Variants in VSTM4 observed in about 807,000 individuals in gnomAD.
VSTM4 encodes the protein V-set and transmembrane domain-containing protein 4.
VSTM4 carries 20 observed loss-of-function variants against 36.4 expected under a neutral mutation model. That is an observed-to-expected ratio of 0.55 (90% CI 0.39 to 0.80). VSTM4 has a LOEUF of 0.80. Ranked by LOEUF, VSTM4 falls within the 30% of genes least tolerant of loss-of-function variation. The pLI, the probability that VSTM4 is intolerant of heterozygous loss-of-function variation, is 0.00. For synonymous variants in VSTM4, 182 were observed against 173.9 expected (o/e 1.05, Z -0.37); for missense variants, 392 against 404.5 (o/e 0.97, Z 0.26).
chr10:49,062,332 T>A (rs12244666), intron 5 of VSTM4, among the ~76,000 whole-genome samples: 56,497 of 151,782 alleles, frequency 0.37, 11,679 homozygotes, highest in African/African-American at 0.56. Flanking sequence ...GTTTCAAGAT[T>A]ATATTTTAGT....
intron 2 of VSTM4, among the ~76,000 whole-genome samples, chr10:49,088,813 G>A (rs760033132): frequency 5.9e-5 from 9 of 152,200 alleles, no homozygotes; most frequent in Non-Finnish European, 7.3e-5. Flanking sequence ...AAGACAACAC[G>A]GAGATGAACA....
chr10:49,100,744 G>A (rs1844651617), intron 2 of VSTM4, among the ~76,000 whole-genome samples: 1 of 152,152 alleles, frequency 6.6e-6, no homozygotes, highest in Non-Finnish European at 1.5e-5. Flanking sequence ...AACTGGGTAA[G>A]TGGATCCTCA....
In VSTM4 at chr10:49,086,119, A is replaced by G. The variant is rs572188179; in HGVS notation, c.458-96T>C. On this transcript the variant is annotated intron_variant, in intron 2 of 7. Coordinates refer to ENST00000332853, the MANE Select transcript of VSTM4 (RefSeq NM_001031746.5). The stretch of plus-strand genomic sequence containing the variant: ...ACAAAGCAATTTCTACATTTGCAAA[A>G]CCACATTTAGTTGTCAAAACTCACA... 112 of 768,550 alleles carry G rather than the reference A, an allele frequency of 1.5e-4. No homozygotes were observed. The African/African-American group carries it at 1.8e-3, about 13-fold the overall frequency. The allele number at this position is 768,550 out of a possible 1,614,324, so 47.6% of individuals were successfully genotyped here.
chr10:49,108,635 C>T (rs927427224), intron 1 of VSTM4, among the ~76,000 whole-genome samples: 1 of 152,206 alleles, frequency 6.6e-6, no homozygotes, highest in African/African-American at 2.4e-5. Flanking sequence ...TAGGATCCAT[C>T]GTCTCAGAGT....
intron 3 of VSTM4, among the ~76,000 whole-genome samples, chr10:49,082,925 G>T (rs1341930943): frequency 2.0e-5 from 3 of 152,220 alleles, no homozygotes; most frequent in African/African-American, 4.8e-5. Context: ...CAAGACTGGG[G>T]TGCATAATGT....
At chr10:49,048,321 C>G (rs1278067435) in intron 6 of VSTM4, among the ~76,000 whole-genome samples, 157 bp downstream of exon 6, 1 of 152,226 alleles carries the variant, frequency 6.6e-6, no homozygotes, top group Non-Finnish European at 1.5e-5. Context: ...CAGTTATGCC[C>G]AGAATCTAGG....
chr10:49,103,912 G>T (rs1180262750), intron 2 of VSTM4: 29 of 1,531,574 alleles, frequency 1.9e-5, no homozygotes, highest in Non-Finnish European at 2.6e-5. Context: ...GAGACCACGG[G>T]CCTGGGGTGG....
intron 1 of VSTM4, among the ~76,000 whole-genome samples, chr10:49,108,863 C>T (rs538700037): frequency 6.6e-6 from 1 of 152,104 alleles, no homozygotes; most frequent in African/African-American, 2.4e-5. Flanking sequence ...ACTCCACCAC[C>T]CAGACCAGTA....
chr10:49,094,188 T>G (rs1844530162), intron 2 of VSTM4, among the ~76,000 whole-genome samples: 2 of 152,156 alleles, frequency 1.3e-5, no homozygotes, highest in East Asian at 1.9e-4. Flanking sequence ...CCAGCAACAG[T>G]CCTTCCCCTG....
chr10:49,080,215 C>A (rs1038233836), intron 3 of VSTM4, among the ~76,000 whole-genome samples: 1 of 152,170 alleles, frequency 6.6e-6, no homozygotes, highest in South Asian at 2.1e-4. Context: ...GCCCTTGTGG[C>A]GTGGAGAAGC....
chr10:49,019,674 G>C lies in VSTM4; in HGVS notation c.939C>G (p.Ile313Met). ...GAPTSTVYAQ[I>M]LFEENKL ...ACTACAGCTTGTTCTCCTCGAAGAG[G>C]ATCTGGGCGTAGACAGTGCTGGTGG... Residue 313 changes from isoleucine to methionine, a missense_variant, in exon 8 of 8, where the codon ATC (isoleucine) becomes ATG (methionine). Coordinates refer to ENST00000332853, the MANE Select transcript of VSTM4 (RefSeq NM_001031746.5). 1 of 1,613,442 alleles carries C rather than the reference G, an allele frequency of 6.2e-7. No homozygotes were observed. Among genetic ancestry groups the C allele is most frequent in the East Asian group, 2.2e-5 (1 of 44,868 alleles).
At position 49,016,187 on chromosome 10, in the gene VSTM4, C is replaced by T. The variant is rs1434154471; in HGVS notation, c.*3463G>A. 3 of 152,196 alleles carry T rather than the reference C, an allele frequency of 2.0e-5. No homozygotes were observed. Among genetic ancestry groups the T allele is most frequent in the Admixed American group, 6.5e-5 (1 of 15,284 alleles). The allele number at this position is 152,196 out of a possible 1,614,324, so 9.4% of individuals were successfully genotyped here. A position where few individuals can be genotyped will look rare whatever the true frequency, so the allele number is the denominator to read the frequency against. On this transcript the variant is annotated 3_prime_UTR_variant, in exon 8 of 8. Transcript: ENST00000332853. ...AAGCAACTTTGATGCATACTGTATTCATATTCTTTATGCAACCTGACTGGC... is the reference window on the plus strand; with the variant it reads ...AAGCAACTTTGATGCATACTGTATTTATATTCTTTATGCAACCTGACTGGC...
intron 7 of VSTM4, among the ~76,000 whole-genome samples, chr10:49,029,335 T>C (rs764521162): frequency 3.9e-5 from 6 of 152,238 alleles, no homozygotes; most frequent in Admixed American, 6.5e-5. Flanking sequence ...AGAAATGTCT[T>C]TCCAAAACAA....
At chr10:49,046,836 G>T in intron 7 of VSTM4, 147 bp downstream of exon 7, 1 of 767,202 alleles carries the variant, frequency 1.3e-6, no homozygotes, top group Non-Finnish European at 2.2e-6. Context: ...CTCAAAAGCT[G>T]GCATCTGAGA....
chr10:49,087,981 AAT>A (rs200717572), intron 2 of VSTM4, among the ~76,000 whole-genome samples: 8 of 131,908 alleles, frequency 6.1e-5, no homozygotes, highest in Admixed American at 4.2e-4. Context: ...ATACATATGT[AAT>A]ATATATGTGT....
At chr10:49,080,012 T>C (rs1844250887) in intron 3 of VSTM4, among the ~76,000 whole-genome samples, 1 of 152,214 alleles carries the variant, frequency 6.6e-6, no homozygotes, top group Non-Finnish European at 1.5e-5. Flanking sequence ...GTTTATCATA[T>C]TAATATATCA....
At chr10:49,039,706 T>C (rs981633738) in intron 7 of VSTM4, among the ~76,000 whole-genome samples, 3 of 152,126 alleles carry the variant, frequency 2.0e-5, no homozygotes, top group Non-Finnish European at 2.9e-5. Context: ...TCCAAGTTCA[T>C]TCAACTCCAA....
intron 4 of VSTM4, among the ~76,000 whole-genome samples, chr10:49,071,305 G>A (rs962778958): frequency 3.9e-5 from 6 of 152,198 alleles, no homozygotes; most frequent in Non-Finnish European, 8.8e-5. Context: ...GGACTAATTC[G>A]CGAACAAGCA....
In VSTM4 at chr10:49,048,489, A is replaced by G; in HGVS notation, c.764T>C (p.Val255Ala). Residue 255 changes from valine to alanine, a missense_variant, in exon 6 of 8, where the codon GTC becomes GCC. Coordinates refer to ENST00000332853, the MANE Select transcript of VSTM4 (RefSeq NM_001031746.5). Reference sequence around the variant, plus strand: ...GGCCAGCTCCTTACCTTTGGCAGGGACTGCGGGAGGAATGTCAGGCTTCTC... The same window carrying G: ...GGCCAGCTCCTTACCTTTGGCAGGGGCTGCGGGAGGAATGTCAGGCTTCTC... ...QKEKPDIPPAVPAKAPIAPTF... is the reference protein window; with the variant it reads ...QKEKPDIPPAAPAKAPIAPTF... The G allele has an allele frequency of 6.3e-7, 1 of 1,591,214 alleles. No individual in the cohort carries two copies. Among genetic ancestry groups the G allele is most frequent in the South Asian group, 1.2e-5 (1 of 85,866 alleles).
Sources: gnomAD v4.1 joint callset for allele counts (sites outside exome capture counted in the v4.1 genomes callset) on GRCh38, gnomAD v4.1.1 for gene constraint, MANE v1.5 for transcripts, NCBI Gene and HGNC (gene_info 2026-07-23, HGNC 2026-07-21) for gene names.